The following CDK2AP1 variants were observed in gnomAD, a reference collection of about 807,000 sequenced individuals.
The protein encoded by CDK2AP1 is cyclin-dependent kinase 2-associated protein 1.
A neutral mutation model predicts 14.1 loss-of-function variants in CDK2AP1; 10 were observed. The ratio of observed to expected loss-of-function variants is 0.71; its 90% CI spans 0.44 to 1.20. The LOEUF (loss-of-function observed/expected upper bound fraction) is 1.20, where lower values mean the gene tolerates loss of function less well. CDK2AP1 is among the 50% of genes most tolerant of loss of function. The probability of loss-of-function intolerance (pLI) is 0.00; values close to 1 mark genes in which losing one functional copy is unlikely to be tolerated. For missense variants in CDK2AP1, 102 were observed against 149.9 expected, an observed-to-expected ratio of 0.68 and a Z score of 1.67; for synonymous variants, 59 against 59.8, an observed-to-expected ratio of 0.99 and a Z score of 0.06.
intron 1 of CDK2AP1, chr12:123,270,886 C>T (rs2048347613): frequency 4.1e-6 from 4 of 985,140 alleles, no homozygotes; most frequent in Non-Finnish European, 4.8e-6. Context: ...TCCGCGCTCA[C>T]CTTACGGGGG....
At chr12:123,266,596 C>A (rs1279519225) in intron 2 of CDK2AP1, among the ~76,000 whole-genome samples, 4 of 152,240 alleles carry the variant, frequency 2.6e-5, no homozygotes, top group Non-Finnish European at 5.9e-5. Context: ...CTGCTGTTCG[C>A]CAGCCTGGGC....
intron 1 of CDK2AP1, among the ~76,000 whole-genome samples, chr12:123,269,822 C>CT: frequency 6.6e-6 from 1 of 152,018 alleles, no homozygotes; most frequent in Non-Finnish European, 1.5e-5. Flanking sequence ...GCAGCGGCGG[C>CT]AGCGGAGAGT....
rs150530930 is a variant in CDK2AP1, at chr12:123,265,233, G to A, written c.243C>T (p.Tyr81=). 1.1e-3 allele frequency: 1,735 copies of A among 1,614,190 alleles called. 5 individuals are homozygous for A. The highest frequency in any genetic ancestry group is 3.3e-3 in the South Asian group (298 of 91,082). The change falls in exon 3 of 4, where the codon TAC becomes TAT. Residue 81 remains tyrosine (Y), a synonymous_variant. Transcript: ENST00000261692. This position sits in a 1 kb window ranked among gnomAD's most constrained non-coding sequence, Gnocchi z 5.3. ...TCTCCATGGCACTCTTGCTCCCTGC[G>A]TACGTGGGTCTGATCTCCTTCCCCA... ...EELGKEIRPT[Y]AGSKSAMERL...
intron 2 of CDK2AP1, 97 bp downstream of exon 2, chr12:123,267,088 C>T (rs1340627492): frequency 3.7e-6 from 3 of 805,732 alleles, no homozygotes; most frequent in Non-Finnish European, 6.6e-6. Context: ...CCCATCCTTT[C>T]TGCTCCTTCG....
In CDK2AP1 at chr12:123,261,581, A is replaced by G. The variant is rs545132930; in HGVS notation, c.*155T>C. The G allele has an allele frequency of 1.7e-5, 10 of 574,834 alleles. No individual in the cohort carries two copies. The highest frequency in any genetic ancestry group is 2.8e-5 in the Non-Finnish European group (9 of 323,902). 35.6% of individuals were successfully genotyped at this position (574,834 alleles called of 1,614,324 possible). A position where few individuals can be genotyped will look rare whatever the true frequency, so the allele number is the denominator to read the frequency against. On this transcript the variant is annotated 3_prime_UTR_variant, in exon 4 of 4. Transcript: ENST00000261692. ...TAATTAACTGCAAAATCTTTTCTCA[A>G]TCTTTGAGACTGTAGGTTCAGAGCC... is the stretch of plus-strand genomic sequence containing the variant.
At chr12:123,266,645 C>A (rs115403924) in intron 2 of CDK2AP1, among the ~76,000 whole-genome samples, 1 of 152,154 alleles carries the variant, frequency 6.6e-6, no homozygotes, top group Non-Finnish European at 1.5e-5. Flanking sequence ...ATGAGGAGCC[C>A]GGGTCTTGGG....
At chr12:123,270,352 G>A (rs2048343239) in intron 1 of CDK2AP1, 1 of 179,134 alleles carries the variant, frequency 5.6e-6, no homozygotes, top group African/African-American at 2.4e-5. Flanking sequence ...CAGTGTCCAA[G>A]ATTTTTTTTA....
chr12:123,264,112 A>G (rs1230360601), intron 3 of CDK2AP1, among the ~76,000 whole-genome samples: 2 of 140,772 alleles, frequency 1.4e-5, no homozygotes, highest in Non-Finnish European at 3.2e-5. Flanking sequence ...CCATCTCAAA[A>G]AAAAAAAAAA....
rs745323743 is a variant in CDK2AP1, at chr12:123,267,264, G to T, written c.74C>A (p.Pro25His). 1 of 1,612,146 alleles carries T rather than the reference G, an allele frequency of 6.2e-7. No homozygotes were observed. Among genetic ancestry groups the T allele is most frequent in the African/African-American group, 1.3e-5 (1 of 74,888 alleles). Residue 25 changes from proline to histidine, a missense_variant, in exon 2 of 4, where the codon CCT becomes CAT. By Grantham distance (77) the Pro-to-His change is moderately conservative (BLOSUM62 -2). This residue lies in a region of CDK2AP1 where 50 missense variants were observed against 42.7 expected (regional missense o/e 1.17). Coordinates refer to ENST00000261692, the MANE Select transcript of CDK2AP1 (RefSeq NM_004642.4). ...TGAAGACGTTGCCATGCTGGTGGAA[G>T]GCGAGTGGACACTCCCAGCTGTGGG... Reference protein sequence around the residue: ...ALNAAGSVHSPSTSMATSSQY... With the variant: ...ALNAAGSVHSHSTSMATSSQY...
Position 123,271,579 on chromosome 12 carries a change from C to T in CDK2AP1, c.40G>A (p.Ala14Thr). The change falls in exon 1 of 4, where the codon GCC (alanine) becomes ACC (threonine). Residue 14 changes from alanine (A) to threonine (T), a missense_variant. Physicochemically the swap from Ala to Thr is moderately conservative, Grantham distance 58 (BLOSUM62 0). Transcript: ENST00000261692. The part of the protein sequence containing the change: ...KPNLAAHMPA[A>T]ALNAAGSVHS... Reference sequence around the variant, plus strand: ...GCTCACTCACCGGCGTTGAGGGCGGCGGCGGGCATGTGCGCGGCCAAGTTC... The same window carrying T: ...GCTCACTCACCGGCGTTGAGGGCGGTGGCGGGCATGTGCGCGGCCAAGTTC... The T allele has an allele frequency of 9.9e-7, 1 of 1,010,718 alleles. No individual in the cohort carries two copies. The allele number at this position is 1,010,718 out of a possible 1,614,324, so 62.6% of individuals were successfully genotyped here. A position where few individuals can be genotyped will look rare whatever the true frequency, so the allele number is the denominator to read the frequency against.
rs74925294 is a variant in CDK2AP1, at chr12:123,261,512, CAAAA to C, written c.*220_*223del. ...ATCTTTTAAATCAATGCTTAAAAAA[CAAAA>C]AAAACCTGGGCAGTTCCTAACTACT... On this transcript the variant is annotated 3_prime_UTR_variant, in exon 4 of 4. Transcript: ENST00000261692. The C allele has an allele frequency of 1.7e-5, 8 of 463,560 alleles. No homozygotes were observed. The highest frequency in any genetic ancestry group is 3.1e-5 in the Non-Finnish European group (8 of 259,534). 28.7% of individuals were successfully genotyped at this position (463,560 alleles called of 1,614,324 possible). A position where few individuals can be genotyped will look rare whatever the true frequency, so the allele number is the denominator to read the frequency against.
At chr12:123,271,157 G>GGGCCCCGCGCCCCGCTCCCGGCGC (rs1456420879) in intron 1 of CDK2AP1, 28 of 387,936 alleles carry the variant, frequency 7.2e-5, no homozygotes, top group South Asian at 1.0e-4. Context: ...CAGGGCGGCG[G>GGGCCCCGCGCCCCGCTCCCGGCGC]GGCCCCGCGC....
chr12:123,271,582 C>G lies in CDK2AP1; in HGVS notation c.37G>C (p.Ala13Pro). The change falls in exon 1 of 4, where the codon GCC becomes CCC. Residue 13 changes from alanine (A) to proline (P), a missense_variant. Physicochemically the swap from Ala to Pro is conservative, Grantham distance 27. Transcript: ENST00000261692. ...YKPNLAAHMP[A>P]AALNAAGSVH... ...CACTCACCGGCGTTGAGGGCGGCGG[C>G]GGGCATGTGCGCGGCCAAGTTCGGT... 1 of 1,010,218 alleles carries G rather than the reference C, an allele frequency of 9.9e-7. No homozygotes were observed. 62.6% of individuals were successfully genotyped at this position (1,010,218 alleles called of 1,614,324 possible).
Position 123,271,651 on chromosome 12 carries a change from G to A in CDK2AP1, c.-33C>T, listed in dbSNP as rs2048354764. The A allele has an allele frequency of 3.2e-6, 3 of 940,694 alleles. No homozygotes were observed. The highest frequency in any genetic ancestry group is 3.8e-6 in the Non-Finnish European group (3 of 791,576). The allele number at this position is 940,694 out of a possible 1,614,324, so 58.3% of individuals were successfully genotyped here. On this transcript the variant is annotated 5_prime_UTR_variant, in exon 1 of 4. Coordinates refer to ENST00000261692, the MANE Select transcript of CDK2AP1 (RefSeq NM_004642.4). The stretch of plus-strand genomic sequence containing the variant: ...GGCGGCGGGCGCGCCGGGCGCGGCG[G>A]GGCCAGGCCGCGAGGGCGGCGGCGG...
rs374106770 is a variant in CDK2AP1, at chr12:123,265,236, C to A, written c.240G>T (p.Thr80=). The A allele has an allele frequency of 2.5e-6, 4 of 1,614,078 alleles. No homozygotes were observed. The highest frequency in any genetic ancestry group is 3.3e-4 in the Middle Eastern group (2 of 6,084). Residue 80 remains threonine, a synonymous_variant, in exon 3 of 4, where the codon ACG becomes ACT. Transcript: ENST00000261692. This position sits in a 1 kb window ranked among gnomAD's most constrained non-coding sequence, Gnocchi z 5.3. The stretch of plus-strand genomic sequence containing the variant: ...CCATGGCACTCTTGCTCCCTGCGTA[C>A]GTGGGTCTGATCTCCTTCCCCAGCT... ...IEELGKEIRP[T]YAGSKSAMER... is the part of the protein sequence containing the mutation.
At position 123,265,712 on chromosome 12, in the gene CDK2AP1, G is replaced by A. The variant is rs992427854; in HGVS notation, c.154-390C>T. Among the ~76,000 whole-genome samples, 7 of 152,118 alleles carry A rather than the reference G, an allele frequency of 4.6e-5. No homozygotes were observed. Among genetic ancestry groups the A allele is most frequent in the Non-Finnish European group, 1.0e-4 (7 of 68,010 alleles). On this transcript the variant is annotated intron_variant, in intron 2 of 3. Transcript: ENST00000261692. The surrounding 1 kb of genome is among the most constrained non-coding windows in gnomAD (Gnocchi z 5.3). ...TCACCCTCCTATCCTCACACACTCA[G>A]GGAGGCCACCCAGTCGTCTCCAGGA...
chr12:123,267,201 G>A lies in CDK2AP1; in HGVS notation c.137C>T (p.Ser46Phe), dbSNP rs868266560. 1.2e-6 allele frequency: 2 copies of A among 1,608,964 alleles called. No individual in the cohort carries two copies. Among genetic ancestry groups the A allele is most frequent in the Non-Finnish European group, 1.7e-6 (2 of 1,175,416 alleles). The change falls in exon 2 of 4, where the codon TCC becomes TTC. Residue 46 changes from serine (S) to phenylalanine (F), a missense_variant. Coordinates refer to ENST00000261692, the MANE Select transcript of CDK2AP1 (RefSeq NM_004642.4). ...TTGACATACCTGGGTGTAGCCTAGGGACGGTGGCCCGTAGTCACTGAGCAG... is the reference window on the plus strand; with the variant it reads ...TTGACATACCTGGGTGTAGCCTAGGAACGGTGGCCCGTAGTCACTGAGCAG... ...RQLLSDYGPP[S>F]LGYTQGTGNS...
upstream of CDK2AP1, chr12:123,271,925 G>A (rs888924947): frequency 2.7e-5 from 4 of 146,478 alleles, no homozygotes; most frequent in Non-Finnish European, 6.1e-5. Flanking sequence ...CTCCGCCTGC[G>A]GCCGCGCCCC....
intron 3 of CDK2AP1, among the ~76,000 whole-genome samples, chr12:123,263,262 G>A (rs1312580877): frequency 6.7e-6 from 1 of 150,372 alleles, no homozygotes; most frequent in African/African-American, 2.4e-5. Context: ...CCTGGCTCTT[G>A]GGCTGTAGTT....
Sources: allele counts gnomAD v4.1 joint callset (sites outside exome capture counted in the v4.1 genomes callset), GRCh38; gene constraint gnomAD v4.1.1; regional missense constraint gnomAD v4.1.1; non-coding constraint Gnocchi (gnomAD v3.1); transcripts MANE v1.5; gene names NCBI Gene and HGNC (gene_info 2026-07-23, HGNC 2026-07-21).